Variants in POLR3H observed in about 807,000 individuals in gnomAD.
POLR3H encodes the protein RNA polymerase III subunit H, also known as DNA-directed RNA polymerase III subunit RPC8.
A neutral mutation model predicts 25.5 loss-of-function variants in POLR3H; 17 were observed. That is an observed-to-expected ratio of 0.67 (90% CI 0.46 to 1.00). The LOEUF is 1.00. Among genes scored for constraint, POLR3H ranks in the 50% least tolerant of loss-of-function variants. POLR3H has a pLI of 0.00. For missense variants in POLR3H, 274 were observed against 265.0 expected, an observed-to-expected ratio of 1.03 and a Z score of -0.24; for synonymous variants, 129 against 103.0, an observed-to-expected ratio of 1.25 and a Z score of -1.53.
chr22:41,538,258 T>C (rs887725083), intron 2 of POLR3H, among the ~76,000 whole-genome samples: 1 of 151,720 alleles, frequency 6.6e-6, no homozygotes, highest in Non-Finnish European at 1.5e-5. Flanking sequence ...CTCAGCCTCC[T>C]GAGTAGCTGG....
In POLR3H at chr22:41,528,348, A is replaced by G; in HGVS notation, c.*935T>C. ...GTCTGACCTGGGCCATCAGGCACAG[A>G]CTGGCCTAGGATTTGGTTTGCCTGC... On this transcript the variant is annotated 3_prime_UTR_variant, in exon 6 of 6. Transcript: ENST00000355209. The G allele has an allele frequency of 7.5e-7, 1 of 1,324,730 alleles. No individual in the cohort carries two copies. Among genetic ancestry groups the G allele is most frequent in the African/African-American group, 1.5e-5 (1 of 67,610 alleles). 82.1% of individuals were successfully genotyped at this position (1,324,730 alleles called of 1,614,324 possible).
intron 2 of POLR3H, among the ~76,000 whole-genome samples, chr22:41,538,132 A>AT (rs71184815): frequency 0.017 from 2,161 of 129,244 alleles, 33 homozygotes; most frequent in Middle Eastern, 0.05. Context: ...CACCCAAATA[A>AT]TTTTTTTTTT....
Position 41,526,205 on chromosome 22 carries a change from T to C in POLR3H, c.*3078A>G. 1 of 1,515,318 alleles carries C rather than the reference T, an allele frequency of 6.6e-7. No homozygotes were observed. Among genetic ancestry groups the C allele is most frequent in the South Asian group, 1.2e-5 (1 of 82,798 alleles). 93.9% of individuals were successfully genotyped at this position (1,515,318 alleles called of 1,614,324 possible). A position where few individuals can be genotyped will look rare whatever the true frequency, so the allele number is the denominator to read the frequency against. Reference sequence around the variant, plus strand: ...CTGCTGCCTGCCTCTGGAGGGCTTGTCATCCACCCCTCCAGGGCCATGCCC... The same window carrying C: ...CTGCTGCCTGCCTCTGGAGGGCTTGCCATCCACCCCTCCAGGGCCATGCCC... On this transcript the variant is annotated 3_prime_UTR_variant, in exon 6 of 6. Coordinates refer to ENST00000355209, the MANE Select transcript of POLR3H (RefSeq NM_001018050.4).
In POLR3H at chr22:41,526,499, G is replaced by T. The variant is rs1166949741; in HGVS notation, c.*2784C>A. 1 of 1,569,376 alleles carries T rather than the reference G, an allele frequency of 6.4e-7. No homozygotes were observed. The highest frequency in any genetic ancestry group is 1.7e-5 in the Admixed American group (1 of 57,188). On this transcript the variant is annotated 3_prime_UTR_variant, in exon 6 of 6. Coordinates refer to ENST00000355209, the MANE Select transcript of POLR3H (RefSeq NM_001018050.4). ...GCAATGCCAGTGGTCACTCCTGAAG[G>T]GGCCTGCAAGGCAGGTGCAGGGAGG...
chr22:41,534,417 T>A (rs957548214), intron 2 of POLR3H, among the ~76,000 whole-genome samples: 6 of 152,116 alleles, frequency 3.9e-5, no homozygotes, highest in Admixed American at 3.9e-4. Flanking sequence ...AACCTTCACA[T>A]GGGGCCAAGT....
In POLR3H at chr22:41,530,805, A is replaced by G. The variant is rs561222531; in HGVS notation, c.443T>C (p.Ile148Thr). 1 of 1,614,052 alleles carries G rather than the reference A, an allele frequency of 6.2e-7. No homozygotes were observed. The highest frequency in any genetic ancestry group is 1.3e-5 in the African/African-American group (1 of 75,034). ...HDLYMDTGEE[I>T]RFRVVDESFV... is the part of the protein sequence containing the mutation. ...GCTCTCGTCCACCACCCGGAAGCGG[A>G]TCTCCTCGCCGGTGTCCATGTAGAG... Residue 148 changes from isoleucine to threonine, a missense_variant, in exon 5 of 6, where the codon ATC (isoleucine) becomes ACC (threonine). Coordinates refer to ENST00000355209, the MANE Select transcript of POLR3H (RefSeq NM_001018050.4).
At chr22:41,538,758 AAGAC>A (rs2066886911) in intron 2 of POLR3H, among the ~76,000 whole-genome samples, 1 of 152,156 alleles carries the variant, frequency 6.6e-6, no homozygotes, top group Non-Finnish European at 1.5e-5. Context: ...AGTCTGTACA[AAGAC>A]AGCCTGTTTC....
At chr22:41,534,479 G>C (rs1410093635) in intron 2 of POLR3H, among the ~76,000 whole-genome samples, 1 of 152,202 alleles carries the variant, frequency 6.6e-6, no homozygotes, top group Admixed American at 6.5e-5. Context: ...TTCATGTACA[G>C]TGTCCAGAAC....
intron 2 of POLR3H, among the ~76,000 whole-genome samples, chr22:41,536,770 A>G (rs116959331): frequency 0.2 from 29,849 of 150,336 alleles, 3,669 homozygotes; most frequent in Admixed American, 0.38. Context: ...GGAAGCTGAG[A>G]CAGGAGAATG....
chr22:41,529,452 G>A (rs188053133), intron 5 of POLR3H, 116 bp from the exon 6 acceptor site: 29 of 866,536 alleles, frequency 3.3e-5, no homozygotes, highest in Middle Eastern at 2.2e-4. Context: ...CGGGGCACAC[G>A]GCAGCCAAGA....
At position 41,538,595 on chromosome 22, in the gene POLR3H, T is replaced by C. The variant is rs184742719; in HGVS notation, c.208+2104A>G. ...TTTTTTCTCCAAGTTTTTCTGGAAG[T>C]TCTAGTACCTATTACCACTTGTCTC... On this transcript the variant is annotated intron_variant, in intron 2 of 5. Transcript: ENST00000355209. Among the ~76,000 whole-genome samples the C allele has an allele frequency of 5.1e-4, 77 of 152,256 alleles. 1 individual carries two copies. The highest frequency in any genetic ancestry group is 6.8e-3 in the Middle Eastern group (2 of 294).
In POLR3H at chr22:41,528,452, C is replaced by A. The variant is rs1241078806; in HGVS notation, c.*831G>T. ...CAAGGGCACACAGTACCCACCACTT[C>A]CACCCACACCCACCTTCTCCTTGCA... is the stretch of plus-strand genomic sequence containing the variant. On this transcript the variant is annotated 3_prime_UTR_variant, in exon 6 of 6. Coordinates refer to ENST00000355209, the MANE Select transcript of POLR3H (RefSeq NM_001018050.4). 17 of 1,609,694 alleles carry A rather than the reference C, an allele frequency of 1.1e-5. No individual in the cohort carries two copies. Among genetic ancestry groups the A allele is most frequent in the Non-Finnish European group, 1.4e-5 (17 of 1,178,882 alleles).
intron 2 of POLR3H, chr22:41,539,484 C>G (rs1338132309): frequency 6.6e-6 from 1 of 152,494 alleles, no homozygotes; most frequent in Non-Finnish European, 1.5e-5. Flanking sequence ...CTCATCACCT[C>G]CCTTGACTGG....
intron 2 of POLR3H, among the ~76,000 whole-genome samples, chr22:41,533,021 A>G (rs2066772347): frequency 6.6e-6 from 1 of 151,962 alleles, no homozygotes; most frequent in Non-Finnish European, 1.5e-5. Flanking sequence ...GTCAATTTCA[A>G]CCTCCCTCCA....
chr22:41,538,689 A>G (rs1423632107), intron 2 of POLR3H, among the ~76,000 whole-genome samples: 1 of 152,224 alleles, frequency 6.6e-6, no homozygotes. Flanking sequence ...CTGTAAACAG[A>G]GGCCCTCGTG....
chr22:41,527,437 A>T lies in POLR3H; in HGVS notation c.*1846T>A. The T allele has an allele frequency of 1.9e-6, 3 of 1,599,298 alleles. No homozygotes were observed. The highest frequency in any genetic ancestry group is 2.6e-6 in the Non-Finnish European group (3 of 1,173,264). ...GGATCCACGGTGAGCTGGAGTCTGTACCCAGGCCATCCTCATCCCATCCCT... is the reference window on the plus strand; with the variant it reads ...GGATCCACGGTGAGCTGGAGTCTGTTCCCAGGCCATCCTCATCCCATCCCT... On this transcript the variant is annotated 3_prime_UTR_variant, in exon 6 of 6. Coordinates refer to ENST00000355209, the MANE Select transcript of POLR3H (RefSeq NM_001018050.4).
chr22:41,544,242 C>A lies in POLR3H; in HGVS notation c.-141G>T, dbSNP rs2066982103. The A allele has an allele frequency of 3.4e-6, 2 of 596,952 alleles. No homozygotes were observed. 37.0% of individuals were successfully genotyped at this position (596,952 alleles called of 1,614,324 possible). ...GCGGTGAGGTTGCACGGGGCGGTCT[C>A]GGGGGCCCGGTCCGGGCCATGCTCC... On this transcript the variant is annotated 5_prime_UTR_variant, in exon 1 of 6. Coordinates refer to ENST00000355209, the MANE Select transcript of POLR3H (RefSeq NM_001018050.4).
intron 2 of POLR3H, chr22:41,533,692 G>A: frequency 1.5e-6 from 2 of 1,304,130 alleles, no homozygotes; most frequent in Non-Finnish European, 2.0e-6. Context: ...CTCACCCTGG[G>A]AAGACACAAA....
chr22:41,535,440 T>C (rs1385632897), intron 2 of POLR3H, among the ~76,000 whole-genome samples: 1 of 152,176 alleles, frequency 6.6e-6, no homozygotes, highest in Non-Finnish European at 1.5e-5. Flanking sequence ...CTGCAGTTCA[T>C]CTCACAAGAG....
Sources: gnomAD v4.1 joint callset for allele counts (sites outside exome capture counted in the v4.1 genomes callset) on GRCh38, gnomAD v4.1.1 for gene constraint, MANE v1.5 for transcripts, NCBI Gene and HGNC (gene_info 2026-07-23, HGNC 2026-07-21) for gene names.